FARS2: variants seen among roughly 807,000 people sequenced by gnomAD.
FARS2 encodes phenylalanyl-tRNA synthetase 2, mitochondrial.
A neutral mutation model predicts 46.4 loss-of-function variants in FARS2; 40 were observed. The observed-to-expected ratio is 0.86, with a 90% CI of 0.67 to 1.12. The LOEUF is 1.12. Ranked by LOEUF, FARS2 falls within the 50% of genes most tolerant of loss-of-function variation. The pLI, the probability that FARS2 is intolerant of heterozygous loss-of-function variation, is 0.00. For missense variants in FARS2, 513 were observed against 567.9 expected, an observed-to-expected ratio of 0.90 and a Z score of 0.98; for synonymous variants, 234 against 214.9, an observed-to-expected ratio of 1.09 and a Z score of -0.78.
intron 5 of FARS2, among the ~76,000 whole-genome samples, chr6:5,563,317 G>T (rs972221660): frequency 6.6e-6 from 1 of 152,152 alleles, no homozygotes; most frequent in Non-Finnish European, 1.5e-5. Flanking sequence ...ATATGTGGGG[G>T]CAGCCACATT....
intron 1 of FARS2, among the ~76,000 whole-genome samples, chr6:5,293,687 T>A (rs1226939406): frequency 6.6e-6 from 1 of 152,234 alleles, no homozygotes; most frequent in Non-Finnish European, 1.5e-5. Flanking sequence ...TACGATTTTT[T>A]TTGTTGTCGT....
chr6:5,706,433 G>A (rs557690991), intron 6 of FARS2, among the ~76,000 whole-genome samples: 1 of 152,226 alleles, frequency 6.6e-6, no homozygotes, highest in South Asian at 2.1e-4. Flanking sequence ...TCTTAAAGTT[G>A]GCCAGTGCTG....
At chr6:5,253,771 C>T in the FARS2 span, among the ~76,000 whole-genome samples, 11 of 150,430 alleles carry the variant, frequency 7.3e-5, no homozygotes, top group East Asian at 3.9e-4. Flanking sequence ...ATTCGATGGT[C>T]GTTCGATCTG....
chr6:5,341,188 G>GATAGATATAT (rs1771535603), intron 1 of FARS2, among the ~76,000 whole-genome samples: 2 of 34,186 alleles, frequency 5.9e-5, no homozygotes, highest in Non-Finnish European at 5.3e-5. Flanking sequence ...GCCATGGGGA[G>GATAGATATAT]ATATATATAT....
At chr6:5,572,312 G>A (rs948649353) in intron 5 of FARS2, among the ~76,000 whole-genome samples, 21 of 152,092 alleles carry the variant, frequency 1.4e-4, no homozygotes, top group African/African-American at 4.8e-4. Context: ...ACAGTTGGGG[G>A]TGGGGAGGTG....
At chr6:5,487,422 G>A (rs986335534) in intron 4 of FARS2, among the ~76,000 whole-genome samples, 3 of 152,186 alleles carry the variant, frequency 2.0e-5, no homozygotes, top group Non-Finnish European at 4.4e-5. Context: ...AACATATAGT[G>A]TGCACTCAGC....
At chr6:5,632,323 C>A (rs1776329015) in intron 6 of FARS2, among the ~76,000 whole-genome samples, 1 of 152,144 alleles carries the variant, frequency 6.6e-6, no homozygotes, top group African/African-American at 2.4e-5. Context: ...GTTCTCCATT[C>A]AGTTGCTGAC....
intron 1 of FARS2, among the ~76,000 whole-genome samples, chr6:5,275,181 C>A (rs1163662681): frequency 6.6e-6 from 1 of 152,208 alleles, no homozygotes; most frequent in Non-Finnish European, 1.5e-5. Context: ...GCATTTGTTA[C>A]ATGTACACAA....
At chr6:5,314,819 T>G (rs1769333500) in intron 1 of FARS2, among the ~76,000 whole-genome samples, 2 of 152,240 alleles carry the variant, frequency 1.3e-5, no homozygotes, top group Non-Finnish European at 2.9e-5. Context: ...CAGATTTCAT[T>G]ACTCTTTCAT....
At chr6:5,609,865 A>G in intron 5 of FARS2, 2 of 1,005,872 alleles carry the variant, frequency 2.0e-6, no homozygotes, top group South Asian at 1.3e-5. Flanking sequence ...AGTGTCTTTA[A>G]TGCCACCAAC....
At chr6:5,302,511 A>G (rs942850093) in intron 1 of FARS2, among the ~76,000 whole-genome samples, 2 of 152,212 alleles carry the variant, frequency 1.3e-5, no homozygotes, top group African/African-American at 4.8e-5. Flanking sequence ...ATTATGTGCT[A>G]GCACAGTTCT....
At position 5,534,857 on chromosome 6, in the gene FARS2, G is replaced by A. The variant is rs554607188; in HGVS notation, c.905-10323G>A. On this transcript the variant is annotated intron_variant, in intron 4 of 6. Coordinates refer to ENST00000274680, the MANE Select transcript of FARS2 (RefSeq NM_006567.5). ...CACACGCACGCATACACACTTGCAC[G>A]CGCACACACACACACACAGAGACTG... Among the ~76,000 whole-genome samples the A allele has an allele frequency of 1.7e-4, 26 of 150,958 alleles. No individual in the cohort carries two copies. In the South Asian group the frequency reaches 3.1e-3, roughly 18 times the overall value.
intron 5 of FARS2, among the ~76,000 whole-genome samples, chr6:5,604,191 C>T (rs1014557596): frequency 6.6e-6 from 1 of 152,120 alleles, no homozygotes; most frequent in African/African-American, 2.4e-5. Context: ...CGGATATGTG[C>T]GAGGTTGCCA....
At chr6:5,636,093 G>C (rs1368576461) in intron 6 of FARS2, among the ~76,000 whole-genome samples, 1 of 151,960 alleles carries the variant, frequency 6.6e-6, no homozygotes, top group Admixed American at 6.6e-5. Flanking sequence ...AGTGTAATAG[G>C]GTTTTGTTTT....
chr6:5,682,020 T>C (rs1167323237), intron 6 of FARS2, among the ~76,000 whole-genome samples: 2 of 152,178 alleles, frequency 1.3e-5, no homozygotes, highest in African/African-American at 4.8e-5. Flanking sequence ...CAGCATGTGG[T>C]TTTGGTTCTG....
intron 6 of FARS2, among the ~76,000 whole-genome samples, chr6:5,621,122 T>G (rs1775752162): frequency 6.6e-6 from 1 of 152,202 alleles, no homozygotes; most frequent in Admixed American, 6.5e-5. Flanking sequence ...GGTGTTTGTT[T>G]GTTTTTGTGT....
upstream of FARS2, chr6:5,260,847 G>C (rs1398785802): frequency 1.3e-6 from 2 of 1,499,824 alleles, no homozygotes; most frequent in African/African-American, 2.8e-5. Flanking sequence ...GCTGCGGCTC[G>C]GCTTTGCCAG....
intron 2 of FARS2, among the ~76,000 whole-genome samples, chr6:5,386,467 GA>G (rs1441118389): frequency 6.6e-6 from 1 of 152,168 alleles, no homozygotes; most frequent in Non-Finnish European, 1.5e-5. Context: ...TGGCATTTTA[GA>G]AAAATAATTC....
At chr6:5,464,580 G>A (rs1057287588) in intron 4 of FARS2, among the ~76,000 whole-genome samples, 3 of 152,190 alleles carry the variant, frequency 2.0e-5, no homozygotes, top group African/African-American at 7.2e-5. Flanking sequence ...TGCCAGGAAT[G>A]AGAACATTCC....
Sources: allele counts gnomAD v4.1 joint callset (sites outside exome capture counted in the v4.1 genomes callset), GRCh38; gene constraint gnomAD v4.1.1; transcripts MANE v1.5; gene names NCBI Gene and HGNC (gene_info 2026-07-23, HGNC 2026-07-21).